LRRK2: variants seen among roughly 807,000 people sequenced by gnomAD.
LRRK2 encodes leucine-rich repeat serine/threonine-protein kinase 2.
In LRRK2, 203 loss-of-function variants were observed where a neutral mutation model predicts 302.6. That is an observed-to-expected ratio of 0.67 (90% CI 0.60 to 0.75). The LOEUF (loss-of-function observed/expected upper bound fraction) is 0.75, where lower values mean the gene tolerates loss of function less well. Among genes scored for constraint, LRRK2 ranks in the 30% least tolerant of loss-of-function variants. The probability of loss-of-function intolerance (pLI) is 0.00; values close to 1 mark genes in which losing one functional copy is unlikely to be tolerated. For synonymous variants in LRRK2, 1,066 were observed against 1,031.9 expected, an observed-to-expected ratio of 1.03 and a Z score of -0.63; for missense variants, 2,830 against 2,951.0, an observed-to-expected ratio of 0.96 and a Z score of 0.95.
chr12:40,293,314 G>A (rs1944235422), intron 20 of LRRK2, among the ~76,000 whole-genome samples: 1 of 151,932 alleles, frequency 6.6e-6, no homozygotes, highest in Admixed American at 6.6e-5. Context: ...GTCTGTAACA[G>A]CCATTCTATA....
rs141480535 is a variant in LRRK2 at position 40,253,364 on chromosome 12, T to C, written c.1288+348T>C. Among the ~76,000 whole-genome samples the C allele has an allele frequency of 1.1e-3, 166 of 152,304 alleles. 1 individual carries two copies. The highest frequency in any genetic ancestry group is 3.8e-3 in the African/African-American group (158 of 41,568). ...TGTTGATACATGTGTATTCTCACATTATCATTTTATTTTTAATTTTTTAAA... is the reference window on the plus strand; with the variant it reads ...TGTTGATACATGTGTATTCTCACATCATCATTTTATTTTTAATTTTTTAAA... On this transcript the variant is annotated intron_variant, in intron 11 of 50. Coordinates refer to ENST00000298910, the MANE Select transcript of LRRK2 (RefSeq NM_198578.4).
At chr12:40,295,803 G>C (rs1379451109) in intron 23 of LRRK2, among the ~76,000 whole-genome samples, 159 bp downstream of exon 23, 1 of 152,164 alleles carries the variant, frequency 6.6e-6, no homozygotes, top group Non-Finnish European at 1.5e-5. Context: ...ATCTTAGTCT[G>C]TGTGATGTTC....
intron 43 of LRRK2, among the ~76,000 whole-genome samples, chr12:40,350,895 T>G (rs1946330398): frequency 2.0e-5 from 3 of 152,196 alleles, no homozygotes; most frequent in South Asian, 2.1e-4. Flanking sequence ...TTAGACATAC[T>G]TATTTTATGT....
intron 8 of LRRK2, among the ~76,000 whole-genome samples, chr12:40,250,196 A>C (rs1184655105): frequency 6.6e-6 from 1 of 152,194 alleles, no homozygotes; most frequent in African/African-American, 2.4e-5. Flanking sequence ...TGTTTTAAAA[A>C]AATTTTTATT....
intron 41 of LRRK2, among the ~76,000 whole-genome samples, chr12:40,345,829 G>A (rs1370549434): frequency 6.6e-6 from 1 of 151,934 alleles, no homozygotes; most frequent in Admixed American, 6.6e-5. Context: ...TTTAGAATAA[G>A]GATGTTTACT....
Position 40,351,975 on chromosome 12 carries a change from A to T in LRRK2, c.6576+242A>T, listed in dbSNP as rs12426639. On this transcript the variant is annotated intron_variant, in intron 44 of 50. Coordinates refer to ENST00000298910, the MANE Select transcript of LRRK2 (RefSeq NM_198578.4). ...TGCACAAGTGATTTAAGGAAAGAGA[A>T]TCTTAGAGAGAAGTAGAGGAAGCCA... Among the ~76,000 whole-genome samples the T allele has an allele frequency of 0.032, 4,904 of 152,300 alleles. 227 individuals carry two copies. The highest frequency in any genetic ancestry group is 0.12 in the Admixed American group (1,807 of 15,298).
intron 11 of LRRK2, among the ~76,000 whole-genome samples, chr12:40,255,314 G>T (rs1333512093): frequency 6.6e-6 from 1 of 152,166 alleles, no homozygotes; most frequent in Non-Finnish European, 1.5e-5. Flanking sequence ...CAGGAAAGAA[G>T]GTGACTATTG....
intron 14 of LRRK2, among the ~76,000 whole-genome samples, chr12:40,264,152 C>T (rs1401293566): frequency 4.6e-5 from 7 of 152,098 alleles, no homozygotes; most frequent in Non-Finnish European, 1.0e-4. Context: ...TAACATAAAT[C>T]CACTCTAGTT....
intron 20 of LRRK2, among the ~76,000 whole-genome samples, chr12:40,287,824 C>T (rs541138806): frequency 6.6e-6 from 1 of 151,870 alleles, no homozygotes; most frequent in East Asian, 1.9e-4. Context: ...TGACTAGATC[C>T]TTTCGTGGCT....
chr12:40,364,819 T>G (rs772009500), intron 48 of LRRK2, 23 bp from the exon 49 acceptor site: 3 of 1,538,354 alleles, frequency 2.0e-6, no homozygotes, highest in African/African-American at 2.7e-5. Flanking sequence ...GTAAAATTAT[T>G]AATGTATACT....
chr12:40,274,255 T>G (rs1943356718), intron 14 of LRRK2, among the ~76,000 whole-genome samples: 1 of 152,230 alleles, frequency 6.6e-6, no homozygotes, highest in African/African-American at 2.4e-5. Flanking sequence ...GTGTAGACTT[T>G]GAGAATAGTT....
At chr12:40,279,005 C>G (rs2136630426) in intron 18 of LRRK2, among the ~76,000 whole-genome samples, 1 of 151,788 alleles carries the variant, frequency 6.6e-6, no homozygotes. Context: ...ATATCGAGCT[C>G]ATTGCTTTAC....
rs898324547 is a variant in LRRK2 at position 40,316,448 on chromosome 12, A to G, written c.4827+1148A>G. ...ATTTTCAGCCTTCTGCACATATGTC[A>G]TGGATAATGTGATTTTACTCAATTA... On this transcript the variant is annotated intron_variant, in intron 33 of 50. Transcript: ENST00000298910. 48 of 523,742 alleles carry G rather than the reference A, an allele frequency of 9.2e-5. No homozygotes were observed. In the African/African-American group the frequency reaches 9.7e-4, roughly 11 times the overall value. The allele number at this position is 523,742 out of a possible 1,614,324, so 32.4% of individuals were successfully genotyped here.
At chr12:40,322,648 A>C (rs1215244032) in intron 37 of LRRK2, 138 bp downstream of exon 37, 3 of 733,438 alleles carry the variant, frequency 4.1e-6, no homozygotes, top group Non-Finnish European at 6.7e-6. Context: ...ACAGTTCAGA[A>C]AACTGAATTA....
intron 25 of LRRK2, among the ~76,000 whole-genome samples, chr12:40,302,229 T>C (rs1944658265): frequency 6.6e-6 from 1 of 151,904 alleles, no homozygotes; most frequent in Admixed American, 6.6e-5. Flanking sequence ...TCATAAAATA[T>C]ACCAGAGTAT....
Position 40,351,647 on chromosome 12 carries a change from A to T in LRRK2, c.6490A>T (p.Asn2164Tyr). 1 of 1,614,220 alleles carries T rather than the reference A, an allele frequency of 6.2e-7. No individual in the cohort carries two copies. Among genetic ancestry groups the T allele is most frequent in the Non-Finnish European group, 8.5e-7 (1 of 1,180,032 alleles). ...GGTTGCTACACATCACAACAGCAGG[A>T]ATGCAAGCATTTGGCTGGGCTGTGG... ...CMVATHHNSR[N>Y]ASIWLGCGHT... The change falls in exon 44 of 51, where the codon AAT (asparagine) becomes TAT (tyrosine). Residue 2164 changes from asparagine to tyrosine, a missense_variant. Asn to Tyr is a moderately radical substitution (Grantham distance 143). Coordinates refer to ENST00000298910, the MANE Select transcript of LRRK2 (RefSeq NM_198578.4).
intron 2 of LRRK2, 149 bp downstream of exon 2, chr12:40,225,789 G>A (rs1265587853): frequency 1.4e-6 from 1 of 715,006 alleles, no homozygotes; most frequent in African/African-American, 1.8e-5. Flanking sequence ...TGGGAATATT[G>A]TTAAATCATT....
At chr12:40,299,396 C>A in intron 25 of LRRK2, 139 bp downstream of exon 25, 1 of 950,286 alleles carries the variant, frequency 1.1e-6, no homozygotes, top group Non-Finnish European at 1.6e-6. Context: ...ATAAAATTAG[C>A]AGGTTGGCAA....
intron 40 of LRRK2, 37 bp from the exon 41 acceptor site, chr12:40,340,257 C>A: frequency 6.2e-7 from 1 of 1,602,946 alleles, no homozygotes; most frequent in Non-Finnish European, 8.5e-7. Flanking sequence ...ATAATGTAAT[C>A]ACATTTGAAT....
Sources: gnomAD v4.1 joint callset for allele counts (sites outside exome capture counted in the v4.1 genomes callset) on GRCh38, gnomAD v4.1.1 for gene constraint, MANE v1.5 for transcripts, NCBI Gene and HGNC (gene_info 2026-07-23, HGNC 2026-07-21) for gene names.